Variants in CC2D2A observed in about 807,000 individuals in gnomAD.
CC2D2A encodes the protein coiled-coil and C2 domain containing 2A, also known as coiled-coil and C2 domain-containing protein 2A.
In CC2D2A, 155 loss-of-function variants were observed where a neutral mutation model predicts 212.9. The ratio of observed to expected loss-of-function variants is 0.73; its 90% confidence interval spans 0.64 to 0.83. CC2D2A has a LOEUF of 0.83. Ranked by LOEUF, CC2D2A falls within the 40% of genes least tolerant of loss-of-function variation. The pLI, the probability that CC2D2A is intolerant of heterozygous loss-of-function variation, is 0.00. For synonymous variants in CC2D2A, 667 were observed against 686.5 expected, an observed-to-expected ratio of 0.97 and a Z score of 0.44; for missense variants, 1,856 against 1,956.2, an observed-to-expected ratio of 0.95 and a Z score of 0.97.
In CC2D2A at chr4:15,487,793, T is replaced by A. The variant is rs558928108; in HGVS notation, c.247+6966T>A. Among the ~76,000 whole-genome samples, 185 of 60,500 alleles carry A rather than the reference T, an allele frequency of 3.1e-3. 1 individual carries two copies. The highest frequency in any genetic ancestry group is 0.011 in the Middle Eastern group (1 of 92). 39.7% of individuals were successfully genotyped at this position (60,500 alleles called of 152,430 possible). On this transcript the variant is annotated intron_variant, in intron 4 of 36. Coordinates refer to ENST00000424120, the MANE Select transcript of CC2D2A (RefSeq NM_001378615.1). ...TTTCTCCAGTAGTATGTTAAAAAAA[T>A]TTTTTTTTTTGTACCTGTCATAGGT...
intron 17 of CC2D2A, 61 bp from the exon 18 acceptor site, chr4:15,550,763 T>C (rs1718954995): frequency 2.4e-6 from 3 of 1,248,564 alleles, no homozygotes; most frequent in East Asian, 2.4e-5. Flanking sequence ...GGACTGATTA[T>C]CTGAGCGTGA....
At chr4:15,509,250 A>G (rs768107348) in intron 6 of CC2D2A, among the ~76,000 whole-genome samples, 1 of 151,528 alleles carries the variant, frequency 6.6e-6, no homozygotes, top group African/African-American at 2.4e-5. Flanking sequence ...TGAAGTGGAT[A>G]ATCTTAATTT....
chr4:15,575,251 T>C (rs1720351656), intron 29 of CC2D2A, among the ~76,000 whole-genome samples: 1 of 152,214 alleles, frequency 6.6e-6, no homozygotes, highest in Admixed American at 6.5e-5. Context: ...TGAATATGCA[T>C]AGGTGTCTTG....
chr4:15,550,851 CCCA>C lies in CC2D2A; in HGVS notation c.2212_2214del (p.Thr738del), dbSNP rs781526062. 1.3e-6 allele frequency: 2 copies of C among 1,590,058 alleles called. No individual in the cohort carries two copies. The highest frequency in any genetic ancestry group is 2.2e-5 in the South Asian group (2 of 89,412). On this transcript the variant is annotated inframe_deletion, in exon 18 of 37. Transcript: ENST00000424120. ...CTATGAAACTGTCGGACACAGTAGT[CCCA>C]CCTTGCTAGCAGAAGTGTTTCTGCC...
chr4:15,526,459 G>A (rs755203868), intron 11 of CC2D2A, among the ~76,000 whole-genome samples: 15 of 152,168 alleles, frequency 9.9e-5, no homozygotes, highest in Non-Finnish European at 2.1e-4. Flanking sequence ...AGAATTAAAT[G>A]AAGAGTTTGC....
intron 35 of CC2D2A, among the ~76,000 whole-genome samples, chr4:15,598,996 T>TA (rs903568270): frequency 5.3e-5 from 8 of 151,062 alleles, no homozygotes; most frequent in Non-Finnish European, 3.0e-5. Context: ...CTTGTCTCTA[T>TA]AAAAAAGAAA....
chr4:15,527,478 T>C lies in CC2D2A; in HGVS notation c.1181T>C (p.Val394Ala). 3.7e-6 allele frequency: 6 copies of C among 1,613,602 alleles called. No homozygotes were observed. Among genetic ancestry groups the C allele is most frequent in the South Asian group, 1.1e-5 (1 of 90,950 alleles). Reference protein sequence around the residue: ...AVKYVHSSQHVIRSGDPPGNF... With the variant: ...AVKYVHSSQHAIRSGDPPGNF... The stretch of plus-strand genomic sequence containing the variant: ...AAATACGTTCACAGTAGTCAGCATG[T>C]GATCAGATCTGGAGACCCTCCTGGA... Residue 394 changes from valine (V) to alanine (A), a missense_variant, in exon 12 of 37, where the codon GTG becomes GCG. Transcript: ENST00000424120.
In CC2D2A at chr4:15,550,246, T is replaced by C. The variant is rs776089662; in HGVS notation, c.2182-578T>C. ...CAGTGATCAGTAGCAGAGCTGCTGATGGTCTAATTGGCTCCATCTAGGAGA... is the reference window on the plus strand; with the variant it reads ...CAGTGATCAGTAGCAGAGCTGCTGACGGTCTAATTGGCTCCATCTAGGAGA... On this transcript the variant is annotated intron_variant, in intron 17 of 36. Transcript: ENST00000424120. 2.0e-5 allele frequency among the ~76,000 whole-genome samples: 3 copies of C among 152,202 alleles called. No homozygotes were observed. In the South Asian group the frequency reaches 6.2e-4, roughly 32 times the overall value.
At chr4:15,536,281 G>A (rs1415615372) in intron 14 of CC2D2A, among the ~76,000 whole-genome samples, 1 of 150,910 alleles carries the variant, frequency 6.6e-6, no homozygotes, top group Non-Finnish European at 1.5e-5. Context: ...ACACAGGGCG[G>A]GGAACATCAC....
chr4:15,599,758 G>A, intron 36 of CC2D2A, 52 bp downstream of exon 36: 1 of 1,399,564 alleles, frequency 7.1e-7, no homozygotes, highest in South Asian at 1.6e-5. Context: ...GTTTCAAATT[G>A]GAAATTAGCC....
At chr4:15,470,683 C>A (rs1421748291) in intron 1 of CC2D2A, among the ~76,000 whole-genome samples, 5 of 54,358 alleles carry the variant, frequency 9.2e-5, no homozygotes, top group East Asian at 6.9e-4. Flanking sequence ...CTCTCTCTCT[C>A]TCTCTCTATA....
At chr4:15,489,816 A>T (rs1715200874) in intron 4 of CC2D2A, among the ~76,000 whole-genome samples, 1 of 152,034 alleles carries the variant, frequency 6.6e-6, no homozygotes, top group African/African-American at 2.4e-5. Flanking sequence ...GGCACTCATC[A>T]TTCTCTCCTA....
chr4:15,559,833 T>C (rs1435218316), intron 22 of CC2D2A, among the ~76,000 whole-genome samples: 1 of 152,076 alleles, frequency 6.6e-6, no homozygotes, highest in African/African-American at 2.4e-5. Context: ...TTTATTTTTA[T>C]ATATTTGAGA....
At chr4:15,541,252 G>A (rs1718429181) in intron 17 of CC2D2A, among the ~76,000 whole-genome samples, 1 of 152,066 alleles carries the variant, frequency 6.6e-6, no homozygotes, top group Admixed American at 6.6e-5. Flanking sequence ...CCAGGAGGTG[G>A]AGGTTGCATT....
At chr4:15,554,986 A>G in intron 19 of CC2D2A, 86 bp from the exon 20 acceptor site, 3 of 1,368,616 alleles carry the variant, frequency 2.2e-6, no homozygotes, top group Non-Finnish European at 3.0e-6. Context: ...TAGCTTCCTC[A>G]AGTCATGCTG....
intron 16 of CC2D2A, among the ~76,000 whole-genome samples, chr4:15,539,114 C>G (rs900889438): frequency 2.0e-5 from 3 of 152,098 alleles, no homozygotes; most frequent in Non-Finnish European, 4.4e-5. Context: ...TTAATAAAAA[C>G]TAGCCAGATA....
chr4:15,507,750 T>C (rs971615927), intron 6 of CC2D2A, among the ~76,000 whole-genome samples: 5 of 152,182 alleles, frequency 3.3e-5, no homozygotes, highest in Non-Finnish European at 5.9e-5. Context: ...GGGAATTCAA[T>C]GGGCTTGGAG....
Position 15,560,984 on chromosome 4 carries a change from T to A in CC2D2A, c.3014+362T>A, listed in dbSNP as rs183190721. Among the ~76,000 whole-genome samples, 24 of 152,302 alleles carry A rather than the reference T, an allele frequency of 1.6e-4. No individual in the cohort carries two copies. The East Asian group carries it at 3.1e-3, about 20-fold the overall frequency. On this transcript the variant is annotated intron_variant, in intron 23 of 36. Coordinates refer to ENST00000424120, the MANE Select transcript of CC2D2A (RefSeq NM_001378615.1). ...TAGTCTCCCAGTGCCAGACATTCCC[T>A]TACTCTCCTGTCGCATGGCAGTAGA... is the stretch of plus-strand genomic sequence containing the variant.
At chr4:15,585,836 A>G (rs918241175) in intron 30 of CC2D2A, among the ~76,000 whole-genome samples, 11 of 152,198 alleles carry the variant, frequency 7.2e-5, no homozygotes, top group African/African-American at 2.4e-4. Flanking sequence ...ACTGCTTTCA[A>G]GACTGGGCCA....
Sources: allele counts gnomAD v4.1 joint callset (sites outside exome capture counted in the v4.1 genomes callset), GRCh38; gene constraint gnomAD v4.1.1; transcripts MANE v1.5; gene names NCBI Gene and HGNC (gene_info 2026-07-23, HGNC 2026-07-21).